TRIM49C: variants seen among roughly 807,000 people sequenced by gnomAD.
TRIM49C encodes tripartite motif-containing protein 49C.
A neutral mutation model predicts 21.4 loss-of-function variants in TRIM49C; 6 were observed. That is an observed-to-expected ratio of 0.28 (90% CI 0.15 to 0.55). The LOEUF is 0.55. Ranked by LOEUF, TRIM49C falls within the 20% of genes least tolerant of loss-of-function variation. The probability of loss-of-function intolerance (pLI) is 0.94; values close to 1 mark genes in which losing one functional copy is unlikely to be tolerated. For synonymous variants in TRIM49C, 57 were observed against 148.1 expected (o/e 0.38, Z 4.47); for missense variants, 161 against 442.4 (o/e 0.36, Z 5.71).
intron 3 of TRIM49C, 124 bp downstream of exon 3, chr11:90,035,746 T>C (rs562475703): frequency 9.3e-7 from 1 of 1,075,604 alleles, no homozygotes; most frequent in Non-Finnish European, 1.2e-6. Context: ...TGGGCTTTCT[T>C]AGCTTCCAAC....
rs770221906 is a variant in TRIM49C at position 90,035,961 on chromosome 11, C to T, written c.485C>T (p.Thr162Ile). 1.1e-6 allele frequency: 1 copy of T among 874,352 alleles called. No homozygotes were observed. Among genetic ancestry groups the T allele is most frequent in the Non-Finnish European group, 1.5e-6 (1 of 660,566 alleles). The allele number at this position is 874,352 out of a possible 1,614,324, so 54.2% of individuals were successfully genotyped here. A position where few individuals can be genotyped will look rare whatever the true frequency, so the allele number is the denominator to read the frequency against. The stretch of plus-strand genomic sequence containing the variant: ...AATCACAGAAACCTGAATGTGGAAA[C>T]CACCAGAACCAGATGCTGGAAGGTT... ...CENHRNLNVE[T>I]TRTRCWKDYV... The change falls in exon 4 of 8, where the codon ACC becomes ATC. Residue 162 changes from threonine to isoleucine, a missense_variant. Thr to Ile is a moderately conservative substitution (Grantham distance 89). This residue lies in a region of TRIM49C where 80 missense variants were observed against 314.8 expected (regional missense o/e 0.25). Transcript: ENST00000448984.
At chr11:90,054,320 C>T in the TRIM49C span, among the ~76,000 whole-genome samples, 1 of 132,872 alleles carries the variant, frequency 7.5e-6, no homozygotes, top group Non-Finnish European at 1.6e-5. Context: ...CTTCCACTGG[C>T]ATGTTAAGTA....
At chr11:90,053,755 G>A in the TRIM49C span, 238 of 142,998 alleles carry the variant, frequency 1.7e-3, 8 homozygotes, top group African/African-American at 5.4e-3. Flanking sequence ...GTGGGCGGGG[G>A]ATCGCGGCAC....
the TRIM49C span, among the ~76,000 whole-genome samples, chr11:90,047,542 TG>T: frequency 8.6e-6 from 1 of 116,574 alleles, no homozygotes; most frequent in Non-Finnish European, 1.7e-5. Flanking sequence ...TTGTCTCTTT[TG>T]ATCTTTGTTG....
chr11:90,067,248 T>C, the TRIM49C span, among the ~76,000 whole-genome samples: 2 of 139,276 alleles, frequency 1.4e-5, no homozygotes, highest in East Asian at 4.3e-4. Context: ...GATAGAGCAA[T>C]GGGCACAACC....
At chr11:90,057,435 CTT>C in the TRIM49C span, among the ~76,000 whole-genome samples, 2 of 104,160 alleles carry the variant, frequency 1.9e-5, 1 homozygote, top group Non-Finnish European at 3.5e-5. Flanking sequence ...ATTAAAATAA[CTT>C]AATTAATGAA....
the TRIM49C span, among the ~76,000 whole-genome samples, chr11:90,069,070 T>G: frequency 7.5e-6 from 1 of 132,806 alleles, no homozygotes; most frequent in South Asian, 2.7e-4. Context: ...TAAAGAATCA[T>G]AGACAAAAAT....
chr11:90,047,921 C>T, the TRIM49C span, among the ~76,000 whole-genome samples: 10 of 120,402 alleles, frequency 8.3e-5, 3 homozygotes, highest in Non-Finnish European at 1.7e-5. Flanking sequence ...TCTTCCTTTC[C>T]ATGTTTAGTG....
At chr11:90,073,329 A>G in the TRIM49C span, 10 of 800,328 alleles carry the variant, frequency 1.2e-5, 1 homozygote, top group East Asian at 2.3e-4. Context: ...CTCATATGGA[A>G]TTACCCAGCT....
chr11:90,040,880 T>G (rs1381755139), intron 7 of TRIM49C, among the ~76,000 whole-genome samples, 171 bp from the exon 8 acceptor site: 4 of 149,268 alleles, frequency 2.7e-5, no homozygotes, highest in Non-Finnish European at 5.9e-5. Flanking sequence ...GTGGTTAGGG[T>G]TTTGTTTGTC....
chr11:90,037,183 G>T lies in TRIM49C; in HGVS notation c.508-566G>T, dbSNP rs1241617750. 2.2e-5 allele frequency among the ~76,000 whole-genome samples: 3 copies of T among 135,980 alleles called. 1 individual carries two copies. The East Asian group carries it at 6.6e-4, about 30-fold the overall frequency. 89.2% of individuals were successfully genotyped at this position (135,980 alleles called of 152,430 possible). ...AATTTTGAGTTTGTGTATATTTGGA[G>T]GCCGGAGGAACCACAAAGAAGTCTA... On this transcript the variant is annotated intron_variant, in intron 4 of 7. Transcript: ENST00000448984.
rs201148418 is a variant in TRIM49C at position 90,035,192 on chromosome 11, T to G, written c.-4-16T>G. ...AACCCAGGCCCCAAAATGACATGTT[T>G]CTCTTTGTTCCTCAGAAACATGAAT... On this transcript the variant is annotated splice_polypyrimidine_tract_variant and intron_variant, in intron 2 of 7. Transcript: ENST00000448984. The G allele has an allele frequency of 0.1, 163,285 of 1,584,364 alleles. 3,643 individuals carry two copies. The highest frequency in any genetic ancestry group is 0.21 in the African/African-American group (14,916 of 70,366).
chr11:90,032,070 G>C (rs1384957939), intron 1 of TRIM49C, among the ~76,000 whole-genome samples: 2 of 136,236 alleles, frequency 1.5e-5, no homozygotes, highest in African/African-American at 5.3e-5. Context: ...CAAGGCTGCA[G>C]GGAGCTATGA....
chr11:90,051,680 C>G, the TRIM49C span, among the ~76,000 whole-genome samples: 1 of 119,924 alleles, frequency 8.3e-6, no homozygotes, highest in African/African-American at 3.2e-5. Context: ...TGGCTGGTGT[C>G]AGGCGAATCG....
At chr11:90,045,983 G>A (rs374037479), downstream of TRIM49C, among the ~76,000 whole-genome samples, 440 of 121,328 alleles carry the variant, frequency 3.6e-3, 115 homozygotes, top group South Asian at 0.017. Context: ...AGAGGTTTTA[G>A]CATGAAGGGC....
rs1326130527 is a variant in TRIM49C, at chr11:90,036,142, A to G, written c.507+159A>G. 1.6e-4 allele frequency among the ~76,000 whole-genome samples: 19 copies of G among 118,324 alleles called. 6 individuals carry two copies. Among genetic ancestry groups the G allele is most frequent in the African/African-American group, 6.5e-4 (19 of 29,146 alleles). 77.6% of individuals were successfully genotyped at this position (118,324 alleles called of 152,430 possible). A position where few individuals can be genotyped will look rare whatever the true frequency, so the allele number is the denominator to read the frequency against. On this transcript the variant is annotated intron_variant, in intron 4 of 7. Coordinates refer to ENST00000448984, the MANE Select transcript of TRIM49C (RefSeq NM_001195234.1). ...AGAAAAAGTGGCCTCATTTTTATAC[A>G]GAATAGTATGCCTGTTAGGTAGGAT...
the TRIM49C span, among the ~76,000 whole-genome samples, chr11:90,055,185 GAGAC>G: frequency 7.2e-6 from 1 of 138,282 alleles, no homozygotes; most frequent in Non-Finnish European, 1.6e-5. Context: ...AGGCAGAAGA[GAGAC>G]AGTTTATTAT....
chr11:90,052,387 C>A, the TRIM49C span: 14 of 187,752 alleles, frequency 7.5e-5, no homozygotes, highest in African/African-American at 3.6e-4. Flanking sequence ...CACGCGAAGG[C>A]CACGGCGGGG....
rs747116031 is a variant in TRIM49C, at chr11:90,041,094, T to C, written c.903T>C (p.Phe301=). ...LHHEEANSDI[F]LYEILRSMCI... ...ATGAAGAAGCCAACAGTGATATCTT[T>C]CTGTATGAAATTTTGAGAAGCATGT... Residue 301 remains phenylalanine, a synonymous_variant, in exon 8 of 8, where the codon TTT becomes TTC. Transcript: ENST00000448984. 18 of 1,594,122 alleles carry C rather than the reference T, an allele frequency of 1.1e-5. No individual in the cohort carries two copies. Among genetic ancestry groups the C allele is most frequent in the Non-Finnish European group, 1.4e-5 (16 of 1,167,942 alleles).
Sources: allele counts gnomAD v4.1 joint callset (sites outside exome capture counted in the v4.1 genomes callset), GRCh38; gene constraint gnomAD v4.1.1; regional missense constraint gnomAD v4.1.1; transcripts MANE v1.5; gene names NCBI Gene and HGNC (gene_info 2026-07-23, HGNC 2026-07-21).